TJP2: variants seen among roughly 807,000 people sequenced by gnomAD.
TJP2 encodes the protein tight junction protein 2, also known as Friedreich ataxia region gene X104 (tight junction protein ZO-2).
In TJP2, 91 loss-of-function variants were observed where a neutral mutation model predicts 133.1. That is an observed-to-expected ratio of 0.68 (90% CI 0.58 to 0.81). The LOEUF is 0.81. Ranked by LOEUF, TJP2 falls within the 40% of genes least tolerant of loss-of-function variation. The probability of loss-of-function intolerance (pLI) is 0.00; values close to 1 mark genes in which losing one functional copy is unlikely to be tolerated. For missense variants in TJP2, 1,541 were observed against 1,565.6 expected, an observed-to-expected ratio of 0.98 and a Z score of 0.26; for synonymous variants, 592 against 583.4, an observed-to-expected ratio of 1.01 and a Z score of -0.21.
chr9:69,234,460 G>A lies in TJP2; in HGVS notation c.1693G>A (p.Gly565Arg), dbSNP rs1454283028. Residue 565 changes from glycine (G) to arginine (R), a missense_variant, in exon 12 of 23, where the codon GGA (glycine) becomes AGA (arginine). Transcript: ENST00000377245. ...ILKVNTQDFR[G>R]LVREDAVLYL... ...ATAGGTGAACACACAGGATTTCAGA[G>A]GATTAGTGCGGGAGGATGCCGTTCT... 1.2e-5 allele frequency: 19 copies of A among 1,605,544 alleles called. No homozygotes were observed. The highest frequency in any genetic ancestry group is 1.5e-5 in the Non-Finnish European group (18 of 1,177,374).
Position 69,240,001 on chromosome 9 carries a change from TC to T in TJP2, c.2423del (p.Pro808GlnfsTer3), listed in dbSNP as rs1364610625. On this transcript the variant is annotated frameshift_variant, in exon 17 of 23. Transcript: ENST00000377245. LOFTEE classifies it high-confidence loss of function. ...AVDLLNYTQW[F>X]PIVIFFNPDS... ...GACCTGTTGAATTACACCCAGTGGT[TC>T]CCAATTGTGATTTTTTTCAACCCAG... 1 of 1,614,198 alleles carries T rather than the reference TC, an allele frequency of 6.2e-7. No individual in the cohort carries two copies. Among genetic ancestry groups the T allele is most frequent in the East Asian group, 2.2e-5 (1 of 44,888 alleles).
chr9:69,249,068 G>A, intron 19 of TJP2: 2 of 1,100,082 alleles, frequency 1.8e-6, no homozygotes, highest in Non-Finnish European at 2.2e-6. Flanking sequence ...TAGACAACTT[G>A]TAAAGAATAA....
intron 1 of TJP2, among the ~76,000 whole-genome samples, chr9:69,140,105 T>C (rs4076288): frequency 0.38 from 57,029 of 152,020 alleles, 10,868 homozygotes; most frequent in Non-Finnish European, 0.4. Flanking sequence ...CCAGTTTTAA[T>C]TGATGAAGCC....
Position 69,251,015 on chromosome 9 carries a change from C to A in TJP2, c.2992-20C>A. The A allele has an allele frequency of 6.2e-7, 1 of 1,607,768 alleles. No homozygotes were observed. Among genetic ancestry groups the A allele is most frequent in the Non-Finnish European group, 8.5e-7 (1 of 1,174,392 alleles). On this transcript the variant is annotated intron_variant, in intron 20 of 22. Coordinates refer to ENST00000377245, the MANE Select transcript of TJP2 (RefSeq NM_004817.4). ...TAAACTTAAAAGCCCAGGGTGAAAA[C>A]GTGTCATTGCTCTCCGCAGGCCAAA... is the stretch of plus-strand genomic sequence containing the variant.
At chr9:69,221,665 TGCCTCA>T (rs1273430999) in intron 5 of TJP2, among the ~76,000 whole-genome samples, 169 bp downstream of exon 5, 1 of 151,876 alleles carries the variant, frequency 6.6e-6, no homozygotes, top group Non-Finnish European at 1.5e-5. Context: ...GTGATTCTCC[TGCCTCA>T]GCCTCCTGAG....
chr9:69,224,861 G>A (rs1042661389), intron 5 of TJP2, among the ~76,000 whole-genome samples: 2 of 151,304 alleles, frequency 1.3e-5, no homozygotes, highest in African/African-American at 4.9e-5. Context: ...ATTTAAGTAA[G>A]TTGCAGGCAA....
chr9:69,234,132 A>G (rs529418737), intron 11 of TJP2, among the ~76,000 whole-genome samples: 1 of 152,298 alleles, frequency 6.6e-6, no homozygotes, highest in East Asian at 1.9e-4. Flanking sequence ...AGAAACAACC[A>G]CAAGAAATTC....
intron 1 of TJP2, among the ~76,000 whole-genome samples, chr9:69,206,167 CTACT>C (rs1393771616): frequency 1.3e-5 from 2 of 152,114 alleles, no homozygotes; most frequent in African/African-American, 4.8e-5. Context: ...GTCATGAACA[CTACT>C]TACGTGAAAA....
At chr9:69,146,933 A>G (rs555712574) in intron 1 of TJP2, among the ~76,000 whole-genome samples, 1 of 152,348 alleles carries the variant, frequency 6.6e-6, no homozygotes, top group African/African-American at 2.4e-5. Context: ...ATTTTATTAG[A>G]AAAAAATAAA....
rs7874081 is a variant in TJP2, at chr9:69,203,353, G to A, written c.61-9195G>A. 9.2e-3 allele frequency among the ~76,000 whole-genome samples: 1,393 copies of A among 151,972 alleles called. 9 individuals are homozygous for A. Among genetic ancestry groups the A allele is most frequent in the African/African-American group, 0.032 (1,318 of 41,450 alleles). ...TTTTTTTGAGACGGAGTTCACTCTTGTTGCCTAGGCTGGAGTGCAATGGTG... is the reference window on the plus strand; with the variant it reads ...TTTTTTTGAGACGGAGTTCACTCTTATTGCCTAGGCTGGAGTGCAATGGTG... On this transcript the variant is annotated intron_variant, in intron 1 of 22. Transcript: ENST00000377245.
chr9:69,215,736 T>C (rs1588079220), intron 2 of TJP2, among the ~76,000 whole-genome samples: 1 of 151,460 alleles, frequency 6.6e-6, no homozygotes, highest in African/African-American at 2.4e-5. Context: ...TACAGAAGAA[T>C]TAAAAATATT....
At chr9:69,158,086 G>A (rs908532243) in intron 2 of TJP2, among the ~76,000 whole-genome samples, 2 of 151,610 alleles carry the variant, frequency 1.3e-5, no homozygotes, top group Non-Finnish European at 2.9e-5. Flanking sequence ...AGGCTGAGGC[G>A]GTGGATCACC....
intron 1 of TJP2, among the ~76,000 whole-genome samples, chr9:69,134,338 A>G (rs1463573860): frequency 6.6e-6 from 1 of 152,166 alleles, no homozygotes; most frequent in African/African-American, 2.4e-5. Flanking sequence ...TAAATATAAC[A>G]ATTAGAGACT....
At chr9:69,210,299 C>CCCCCCCA (rs377382335) in intron 1 of TJP2, among the ~76,000 whole-genome samples, 4 of 28,646 alleles carry the variant, frequency 1.4e-4, no homozygotes, top group Non-Finnish European at 2.5e-4. Flanking sequence ...CCCCCCCCCC[C>CCCCCCCA]AAAAAAAAAA....
chr9:69,235,251 C>T (rs759796965), intron 12 of TJP2, among the ~76,000 whole-genome samples: 1 of 151,994 alleles, frequency 6.6e-6, no homozygotes, highest in Non-Finnish European at 1.5e-5. Flanking sequence ...GCTGATGTCG[C>T]CTTTTGAAGG....
intron 1 of TJP2, among the ~76,000 whole-genome samples, chr9:69,182,949 C>T (rs1025265809): frequency 2.0e-5 from 3 of 151,302 alleles, no homozygotes; most frequent in African/African-American, 7.3e-5. Flanking sequence ...CCACCATGCC[C>T]GGCTAATTTT....
intron 2 of TJP2, among the ~76,000 whole-genome samples, chr9:69,163,179 C>T (rs1278867120): frequency 9.4e-6 from 1 of 106,168 alleles, no homozygotes; most frequent in African/African-American, 3.6e-5. Flanking sequence ...GCGCCCGCCA[C>T]TACGCCCGGC....
At position 69,240,167 on chromosome 9, in the gene TJP2, A is replaced by G. The variant is rs758313412; in HGVS notation, c.2566+20A>G. ...TTACAGGTAAGTGAAATGTAAATGTAGTCCCTTTGCTAAAAAATGAGAAAT... is the reference window on the plus strand; with the variant it reads ...TTACAGGTAAGTGAAATGTAAATGTGGTCCCTTTGCTAAAAAATGAGAAAT... On this transcript the variant is annotated intron_variant, in intron 17 of 22. Transcript: ENST00000377245. 5.0e-6 allele frequency: 8 copies of G among 1,597,636 alleles called. No homozygotes were observed. The highest frequency in any genetic ancestry group is 6.9e-6 in the Non-Finnish European group (8 of 1,167,396).
At chr9:69,152,817 CTTTTTTTTTTT>C (rs10543289) in intron 2 of TJP2, among the ~76,000 whole-genome samples, 19 of 48,030 alleles carry the variant, frequency 4.0e-4, no homozygotes, top group East Asian at 3.3e-3. Flanking sequence ...CTCTGGAGCT[CTTTTTTTTTTT>C]TTTTTTTTTT....
Sources: gnomAD v4.1 joint callset for allele counts (sites outside exome capture counted in the v4.1 genomes callset) on GRCh38, gnomAD v4.1.1 for gene constraint, MANE v1.5 for transcripts, NCBI Gene and HGNC (gene_info 2026-07-23, HGNC 2026-07-21) for gene names.